LRRFIP1: variants seen among roughly 807,000 people sequenced by gnomAD.
LRRFIP1 encodes the protein LRR binding FLII interacting protein 1.
LRRFIP1 carries 62 observed loss-of-function variants against 104.4 expected under a neutral mutation model. The observed-to-expected ratio is 0.59, with a 90% CI of 0.48 to 0.73. LRRFIP1 has a LOEUF of 0.73. LRRFIP1 is among the 30% of genes least tolerant of loss of function. LRRFIP1 has a pLI of 0.00. For synonymous variants in LRRFIP1, 300 were observed against 299.0 expected (o/e 1.00, Z -0.03); for missense variants, 796 against 824.5 (o/e 0.97, Z 0.42).
intron 16 of LRRFIP1, among the ~76,000 whole-genome samples, chr2:237,756,502 T>C (rs56299995): frequency 0.032 from 4,834 of 152,342 alleles, 94 homozygotes; most frequent in Middle Eastern, 0.12. Context: ...CCCACTCTTA[T>C]GACCTCATTT....
chr2:237,763,212 A>C (rs2060043203), intron 19 of LRRFIP1: 2 of 1,614,194 alleles, frequency 1.2e-6, no homozygotes, highest in Non-Finnish European at 1.7e-6. Context: ...GATCACAACG[A>C]AGAAGAGGGT....
At chr2:237,630,877 T>G (rs1019824682) in intron 1 of LRRFIP1, among the ~76,000 whole-genome samples, 1 of 152,248 alleles carries the variant, frequency 6.6e-6, no homozygotes, top group Non-Finnish European at 1.5e-5. Flanking sequence ...TTTCCCGGGC[T>G]GCCACTGTGG....
chr2:237,733,805 C>T lies in LRRFIP1; in HGVS notation c.476C>T (p.Ser159Leu), dbSNP rs1222308650. ...PSCLYSAARP[S>L]GSYRASVLDE... ...TGTCTGTACAGCGCTGCCCGGCCTT[C>T]GGGGAGTTACCGGGTGCGTGTGCTG... is the stretch of plus-strand genomic sequence containing the variant. Residue 159 changes from serine (S) to leucine (L), a missense_variant, in exon 9 of 24, where the codon TCG (serine) becomes TTG (leucine). Coordinates refer to ENST00000308482, the MANE Select transcript of LRRFIP1 (RefSeq NM_001137550.2). 2.5e-6 allele frequency: 4 copies of T among 1,613,910 alleles called. No homozygotes were observed. Among genetic ancestry groups the T allele is most frequent in the Non-Finnish European group, 3.4e-6 (4 of 1,179,890 alleles).
chr2:237,662,200 G>T (rs1001560512), intron 1 of LRRFIP1, among the ~76,000 whole-genome samples: 3 of 152,064 alleles, frequency 2.0e-5, no homozygotes, highest in Middle Eastern at 3.2e-3. Context: ...CCGTCTCCAC[G>T]TGGCCCCCTC....
chr2:237,724,652 A>C (rs1356718404), intron 7 of LRRFIP1, among the ~76,000 whole-genome samples: 2 of 152,232 alleles, frequency 1.3e-5, no homozygotes, highest in African/African-American at 4.8e-5. Flanking sequence ...CTGTAACTCC[A>C]GCAACTCTCC....
chr2:237,777,165 A>G (rs1023281631), intron 23 of LRRFIP1, among the ~76,000 whole-genome samples: 1 of 152,170 alleles, frequency 6.6e-6, no homozygotes, highest in Non-Finnish European at 1.5e-5. Flanking sequence ...GTGTATATGT[A>G]TATGTACACA....
intron 1 of LRRFIP1, among the ~76,000 whole-genome samples, chr2:237,704,579 A>G (rs185167970): frequency 6.6e-6 from 1 of 152,176 alleles, no homozygotes; most frequent in Admixed American, 6.5e-5. Flanking sequence ...ATGCTGGCTC[A>G]TATATTTGTT....
chr2:237,714,605 T>C (rs1320471568), intron 3 of LRRFIP1, among the ~76,000 whole-genome samples: 1 of 152,252 alleles, frequency 6.6e-6, no homozygotes, highest in African/African-American at 2.4e-5. Flanking sequence ...TCTGAAATTA[T>C]GTATGGAAAG....
chr2:237,655,657 G>A (rs1006002100), intron 1 of LRRFIP1, among the ~76,000 whole-genome samples: 3 of 152,138 alleles, frequency 2.0e-5, no homozygotes, highest in East Asian at 1.9e-4. Flanking sequence ...TTGGGTGCTC[G>A]TTTTGTGATT....
At chr2:237,686,167 G>A (rs1450328652) in intron 1 of LRRFIP1, among the ~76,000 whole-genome samples, 4 of 152,138 alleles carry the variant, frequency 2.6e-5, no homozygotes, top group Non-Finnish European at 1.5e-5. Flanking sequence ...AATCGGTAGT[G>A]TGTGCTGAGG....
rs150879747 is a variant in LRRFIP1 at position 237,706,128 on chromosome 2, G to T, written c.97-2416G>T. Reference sequence around the variant, plus strand: ...CACGCACTCAGTGGGAGAGGGGTATGCAGGGCAGGTACACTAGTGGTGGGA... The same window carrying T: ...CACGCACTCAGTGGGAGAGGGGTATTCAGGGCAGGTACACTAGTGGTGGGA... On this transcript the variant is annotated intron_variant, in intron 1 of 23. Coordinates refer to ENST00000308482, the MANE Select transcript of LRRFIP1 (RefSeq NM_001137550.2). 9.4e-4 allele frequency among the ~76,000 whole-genome samples: 143 copies of T among 152,336 alleles called. 2 individuals are homozygous for T. Among genetic ancestry groups the T allele is most frequent in the African/African-American group, 3.3e-3 (139 of 41,574 alleles).
chr2:237,658,804 G>T (rs1398492611), intron 1 of LRRFIP1, among the ~76,000 whole-genome samples: 1 of 152,128 alleles, frequency 6.6e-6, no homozygotes, highest in East Asian at 1.9e-4. Flanking sequence ...CCACCACCTG[G>T]TCTCTCCTTT....
chr2:237,705,854 G>A (rs1248168269), intron 1 of LRRFIP1, among the ~76,000 whole-genome samples: 1 of 152,146 alleles, frequency 6.6e-6, no homozygotes, highest in African/African-American at 2.4e-5. Context: ...GCTGGCGTCA[G>A]TCAGCCAGGG....
intron 1 of LRRFIP1, among the ~76,000 whole-genome samples, chr2:237,678,191 G>A (rs1010221379): frequency 4.6e-5 from 7 of 152,116 alleles, no homozygotes; most frequent in East Asian, 1.9e-4. Flanking sequence ...GGAAATCACC[G>A]GGTGCCTTAA....
At chr2:237,760,313 C>A in intron 19 of LRRFIP1, 108 bp downstream of exon 19, 1 of 1,211,576 alleles carries the variant, frequency 8.3e-7, no homozygotes, top group Non-Finnish European at 1.1e-6. Context: ...TTAACAGTCA[C>A]CAGCATGCCA....
At chr2:237,763,900 C>T (rs138516108) in intron 19 of LRRFIP1, 207 of 1,614,062 alleles carry the variant, frequency 1.3e-4, no homozygotes, top group Middle Eastern at 4.9e-4. Flanking sequence ...GCACCCTGCC[C>T]GAACATGAAA....
chr2:237,717,346 A>T lies in LRRFIP1; in HGVS notation c.202-416A>T, dbSNP rs1252596566. Among the ~76,000 whole-genome samples, 5 of 152,036 alleles carry T rather than the reference A, an allele frequency of 3.3e-5. No homozygotes were observed. In the East Asian group the frequency reaches 9.6e-4, roughly 29 times the overall value. On this transcript the variant is annotated intron_variant, in intron 3 of 23. Transcript: ENST00000308482. This position sits in a 1 kb window ranked among gnomAD's most constrained non-coding sequence, Gnocchi z 4.2. ...CTCTCAGTTTCCCTGAGGTCCCAAC[A>T]CCGGAATGGCTCTGAGCTTCTGCTT...
intron 19 of LRRFIP1, chr2:237,762,589 C>T (rs1438796764): frequency 6.3e-7 from 1 of 1,576,596 alleles, no homozygotes; most frequent in Non-Finnish European, 8.6e-7. Flanking sequence ...TCAATTTTCT[C>T]AATGGTCTTT....
chr2:237,679,405 T>TA (rs1338134636), intron 1 of LRRFIP1, among the ~76,000 whole-genome samples: 1 of 152,116 alleles, frequency 6.6e-6, no homozygotes, highest in Non-Finnish European at 1.5e-5. Context: ...GCAATAACCG[T>TA]AAAATGATGA....
Sources: gnomAD v4.1 joint callset for allele counts (sites outside exome capture counted in the v4.1 genomes callset) on GRCh38, gnomAD v4.1.1 for gene constraint, Gnocchi (gnomAD v3.1) non-coding constraint, MANE v1.5 for transcripts, NCBI Gene and HGNC (gene_info 2026-07-23, HGNC 2026-07-21) for gene names.